The following GMDS variants were observed in gnomAD, a reference collection of about 807,000 sequenced individuals.
GMDS encodes the protein GDP-mannose 4,6 dehydratase.
GMDS carries 20 observed loss-of-function variants against 49.9 expected under a neutral mutation model. The ratio of observed to expected loss-of-function variants is 0.40; its 90% CI spans 0.28 to 0.58. The LOEUF (loss-of-function observed/expected upper bound fraction) is 0.58. Among genes scored for constraint, GMDS ranks in the 20% least tolerant of loss-of-function variants. The pLI is 0.42. For missense variants in GMDS, 362 were observed against 481.4 expected, an observed-to-expected ratio of 0.75 and a Z score of 2.32; for synonymous variants, 177 against 178.6, an observed-to-expected ratio of 0.99 and a Z score of 0.07.
chr6:1,767,340 T>C (rs1172364378), intron 7 of GMDS, among the ~76,000 whole-genome samples: 1 of 152,198 alleles, frequency 6.6e-6, no homozygotes, highest in Non-Finnish European at 1.5e-5. Flanking sequence ...TCAAGGAACT[T>C]ATTATTTGGG....
At chr6:2,045,170 A>G (rs1389343905) in intron 4 of GMDS, among the ~76,000 whole-genome samples, 7 of 151,918 alleles carry the variant, frequency 4.6e-5, no homozygotes, top group African/African-American at 9.7e-5. Context: ...TATTTTTCCC[A>G]TATCTTTTAT....
intron 1 of GMDS, among the ~76,000 whole-genome samples, chr6:2,156,518 T>C (rs1333146284): frequency 3.9e-5 from 6 of 152,204 alleles, no homozygotes; most frequent in Non-Finnish European, 8.8e-5. Flanking sequence ...ACAACAAATT[T>C]AAGTCACTGT....
At position 2,210,652 on chromosome 6, in the gene GMDS, G is replaced by A. The variant is rs566637608; in HGVS notation, c.102+34669C>T. Reference sequence around the variant, plus strand: ...AAAGGTCTGCTTACTCCCAAGGTGGGGTAAGAGACAGACAGAGGTGGGCCA... The same window carrying A: ...AAAGGTCTGCTTACTCCCAAGGTGGAGTAAGAGACAGACAGAGGTGGGCCA... On this transcript the variant is annotated intron_variant, in intron 1 of 10. Coordinates refer to ENST00000380815, the MANE Select transcript of GMDS (RefSeq NM_001500.4). Among the ~76,000 whole-genome samples, 323 of 152,264 alleles carry A rather than the reference G, an allele frequency of 2.1e-3. 1 individual carries two copies. Among genetic ancestry groups the A allele is most frequent in the Non-Finnish European group, 1.2e-3 (80 of 68,010 alleles).
At chr6:1,854,566 T>C (rs1211266695) in intron 7 of GMDS, among the ~76,000 whole-genome samples, 1 of 152,188 alleles carries the variant, frequency 6.6e-6, no homozygotes, top group African/African-American at 2.4e-5. Context: ...TCTGGGTGCT[T>C]CTAGCAGGCA....
At chr6:1,873,899 C>T (rs911574389) in intron 7 of GMDS, among the ~76,000 whole-genome samples, 3 of 152,214 alleles carry the variant, frequency 2.0e-5, no homozygotes, top group Non-Finnish European at 4.4e-5. Flanking sequence ...TCATCAAATC[C>T]TCTTATACCA....
At chr6:1,842,724 C>T (rs746399738) in intron 7 of GMDS, among the ~76,000 whole-genome samples, 1 of 152,136 alleles carries the variant, frequency 6.6e-6, no homozygotes, top group African/African-American at 2.4e-5. Context: ...CTAAAAATAT[C>T]CTATTTTGAG....
chr6:2,144,678 T>A (rs1280524001), intron 1 of GMDS, among the ~76,000 whole-genome samples: 1 of 152,224 alleles, frequency 6.6e-6, no homozygotes, highest in African/African-American at 2.4e-5. Flanking sequence ...TGGCTAGACC[T>A]GCAAGGGCAG....
chr6:1,845,567 C>T (rs1412704640), intron 7 of GMDS, among the ~76,000 whole-genome samples: 1 of 152,112 alleles, frequency 6.6e-6, no homozygotes, highest in African/African-American at 2.4e-5. Flanking sequence ...CACAGGGTAC[C>T]CTTCCTCTGA....
chr6:1,901,815 A>G (rs1760518457), intron 7 of GMDS, among the ~76,000 whole-genome samples: 1 of 152,208 alleles, frequency 6.6e-6, no homozygotes, highest in Non-Finnish European at 1.5e-5. Flanking sequence ...AAAATGAAAC[A>G]TGCATTCTTG....
Position 1,989,074 on chromosome 6 carries a change from G to A in GMDS, c.346-28108C>T, listed in dbSNP as rs565720384. Among the ~76,000 whole-genome samples, 13 of 152,326 alleles carry A rather than the reference G, an allele frequency of 8.5e-5. No homozygotes were observed. The South Asian group carries it at 1.0e-3, about 12-fold the overall frequency. Reference sequence around the variant, plus strand: ...CAGTAATGATCCTGACAATGGGAACGGAGAACGTTGACACAAGTTTATTCC... The same window carrying A: ...CAGTAATGATCCTGACAATGGGAACAGAGAACGTTGACACAAGTTTATTCC... On this transcript the variant is annotated intron_variant, in intron 4 of 10. Coordinates refer to ENST00000380815, the MANE Select transcript of GMDS (RefSeq NM_001500.4).
chr6:1,853,536 A>G (rs895474605), intron 7 of GMDS, among the ~76,000 whole-genome samples: 2 of 151,028 alleles, frequency 1.3e-5, no homozygotes, highest in Non-Finnish European at 3.0e-5. Context: ...AAAAAAAAAA[A>G]AAAAGATTAT....
intron 7 of GMDS, among the ~76,000 whole-genome samples, chr6:1,860,029 C>G (rs1758110482): frequency 6.6e-6 from 1 of 152,110 alleles, no homozygotes; most frequent in Non-Finnish European, 1.5e-5. Flanking sequence ...CACTGGCCTT[C>G]TAGACTTCAT....
chr6:2,146,743 G>T (rs1283867467), intron 1 of GMDS, among the ~76,000 whole-genome samples: 2 of 152,132 alleles, frequency 1.3e-5, no homozygotes, highest in Non-Finnish European at 2.9e-5. Flanking sequence ...TCTTCAGCTA[G>T]ACAATCAGTT....
intron 4 of GMDS, among the ~76,000 whole-genome samples, chr6:2,031,320 A>T (rs1053814068): frequency 1.3e-5 from 2 of 152,166 alleles, no homozygotes; most frequent in Non-Finnish European, 2.9e-5. Flanking sequence ...CACTCATTCA[A>T]TCAGTTTCCC....
chr6:1,958,213 T>C (rs1763749313), intron 6 of GMDS, among the ~76,000 whole-genome samples: 2 of 151,742 alleles, frequency 1.3e-5, no homozygotes, highest in Non-Finnish European at 2.9e-5. Flanking sequence ...GGGGGAGTTA[T>C]ATTCAAATTT....
chr6:1,924,208 C>A (rs1482885229), intron 7 of GMDS, among the ~76,000 whole-genome samples: 1 of 152,190 alleles, frequency 6.6e-6, no homozygotes, highest in Non-Finnish European at 1.5e-5. Flanking sequence ...ACGTTTATTT[C>A]TAAAAGTAGT....
intron 1 of GMDS, among the ~76,000 whole-genome samples, chr6:2,193,556 A>T (rs530980968): frequency 6.6e-6 from 1 of 152,286 alleles, no homozygotes; most frequent in South Asian, 2.1e-4. Context: ...CTTGCTTTTC[A>T]TTTCCTTTTT....
At chr6:1,743,820 C>T (rs1767381276) in intron 7 of GMDS, among the ~76,000 whole-genome samples, 1 of 133,158 alleles carries the variant, frequency 7.5e-6, no homozygotes, top group Non-Finnish European at 1.6e-5. Context: ...TATGTCTCTT[C>T]AAAAAAGGTT....
intron 7 of GMDS, among the ~76,000 whole-genome samples, chr6:1,818,782 G>A (rs928887625): frequency 2.6e-5 from 4 of 151,730 alleles, no homozygotes; most frequent in Non-Finnish European, 5.9e-5. Context: ...CATCAAAAAA[G>A]TGGTTGATTT....
Sources: allele counts gnomAD v4.1 joint callset (sites outside exome capture counted in the v4.1 genomes callset), GRCh38; gene constraint gnomAD v4.1.1; transcripts MANE v1.5; gene names NCBI Gene and HGNC (gene_info 2026-07-23, HGNC 2026-07-21).